The following FARP1 variants were observed in gnomAD, a reference collection of about 807,000 sequenced individuals.
The protein encoded by FARP1 is FERM, ARHGEF and pleckstrin domain-containing protein 1.
In FARP1, 52 loss-of-function variants were observed where a neutral mutation model predicts 128.8. That is an observed-to-expected ratio of 0.40 (90% confidence interval 0.32 to 0.51). The LOEUF (loss-of-function observed/expected upper bound fraction) is 0.51, where lower values mean the gene tolerates loss of function less well. FARP1 is among the 20% of genes least tolerant of loss of function. The pLI is 0.45. For synonymous variants in FARP1, 580 were observed against 551.8 expected, an observed-to-expected ratio of 1.05 and a Z score of -0.72; for missense variants, 1,333 against 1,367.9, an observed-to-expected ratio of 0.97 and a Z score of 0.40.
At chr13:98,440,943 C>G (rs1892498798) in intron 24 of FARP1, 107 bp downstream of exon 24, 1 of 1,125,516 alleles carries the variant, frequency 8.9e-7, no homozygotes, top group African/African-American at 1.6e-5. Flanking sequence ...TGTGGGTGGC[C>G]CCACCTACCC....
At chr13:98,208,334 C>T (rs1210494616) in intron 1 of FARP1, among the ~76,000 whole-genome samples, 7 of 150,104 alleles carry the variant, frequency 4.7e-5, no homozygotes, top group African/African-American at 1.2e-4. Flanking sequence ...AAAAAAAAGC[C>T]GGGCATGGTG....
chr13:98,290,111 G>C (rs929881226), intron 2 of FARP1, among the ~76,000 whole-genome samples: 3 of 151,346 alleles, frequency 2.0e-5, no homozygotes, highest in African/African-American at 7.3e-5. Flanking sequence ...GTTGGGAAGG[G>C]CAGTCCGTCA....
At chr13:98,235,341 G>T (rs1882351813) in intron 2 of FARP1, among the ~76,000 whole-genome samples, 1 of 152,152 alleles carries the variant, frequency 6.6e-6, no homozygotes, top group Non-Finnish European at 1.5e-5. Context: ...TCTCAAAAAA[G>T]CCACAAGTGA....
intron 11 of FARP1, among the ~76,000 whole-genome samples, chr13:98,392,558 A>G (rs1481305688): frequency 6.6e-6 from 1 of 151,756 alleles, no homozygotes. Context: ...TCATTCATAT[A>G]AGTACTCCCA....
intron 2 of FARP1, among the ~76,000 whole-genome samples, chr13:98,279,972 A>C (rs1884853426): frequency 6.6e-6 from 1 of 151,742 alleles, no homozygotes; most frequent in African/African-American, 2.4e-5. Context: ...AGGTGTTTTC[A>C]GCCTCTCCCT....
rs1890454984 is a variant in FARP1 at position 98,394,872 on chromosome 13, C to T, written c.1165-355C>T. Among the ~76,000 whole-genome samples the T allele has an allele frequency of 5.9e-5, 9 of 152,304 alleles. No individual in the cohort carries two copies. In the South Asian group the frequency reaches 1.9e-3, roughly 32 times the overall value. On this transcript the variant is annotated intron_variant, in intron 12 of 26. Transcript: ENST00000319562. ...CCCAAGAGGTCGAGGCCGCTGTGAG[C>T]TGTGGTTGCAGCACTGCACTCCAGC...
intron 2 of FARP1, among the ~76,000 whole-genome samples, chr13:98,271,610 G>C (rs920042341): frequency 6.6e-6 from 1 of 151,998 alleles, no homozygotes; most frequent in Non-Finnish European, 1.5e-5. Flanking sequence ...CCCTCCCTGG[G>C]TCCATGTGTT....
At position 98,442,114 on chromosome 13, in the gene FARP1, G is replaced by A. The variant is rs139607520; in HGVS notation, c.2796+1278G>A. ...TTTATGTGAATGCTCACGTTTCACC[G>A]CAGAATCTCTGCCCCCGCGCCCTCT... On this transcript the variant is annotated intron_variant, in intron 24 of 26. Transcript: ENST00000319562. 1.6e-4 allele frequency among the ~76,000 whole-genome samples: 25 copies of A among 152,324 alleles called. 1 individual carries two copies. In the East Asian group the frequency reaches 4.6e-3, roughly 28 times the overall value.
chr13:98,197,811 C>T (rs1566729782), intron 1 of FARP1, among the ~76,000 whole-genome samples: 1 of 151,550 alleles, frequency 6.6e-6, no homozygotes, highest in Non-Finnish European at 1.5e-5. Context: ...ATTTTTTGTA[C>T]TTTTTTAGTA....
At chr13:98,446,625 C>T (rs763286305) in intron 25 of FARP1, 41 bp from the exon 26 acceptor site, 18 of 1,606,284 alleles carry the variant, frequency 1.1e-5, no homozygotes, top group Non-Finnish European at 1.2e-5. Context: ...GCAGCAGAAG[C>T]TGACCCCGAA....
At position 98,412,140 on chromosome 13, in the gene FARP1, G is replaced by T. The variant is rs891669348; in HGVS notation, c.1826+106G>T. ...CAGGCAGGAACAAAGATGAAAGGCA[G>T]GAAACTGGCTTACAACAAGTCAGCC... On this transcript the variant is annotated intron_variant, in intron 16 of 26. Transcript: ENST00000319562. 12 of 1,086,836 alleles carry T rather than the reference G, an allele frequency of 1.1e-5. No individual in the cohort carries two copies. The African/African-American group carries it at 1.7e-4, about 16-fold the overall frequency. The allele number at this position is 1,086,836 out of a possible 1,614,324, so 67.3% of individuals were successfully genotyped here.
At chr13:98,300,052 G>A (rs573555270) in intron 2 of FARP1, among the ~76,000 whole-genome samples, 2 of 152,240 alleles carry the variant, frequency 1.3e-5, no homozygotes, top group South Asian at 4.2e-4. Context: ...AATGTTTAAA[G>A]AATTTATTAA....
chr13:98,354,397 T>C (rs1489726925), intron 3 of FARP1, among the ~76,000 whole-genome samples: 1 of 152,196 alleles, frequency 6.6e-6, no homozygotes, highest in East Asian at 1.9e-4. Context: ...AAAAGAGACT[T>C]AGAGGACATA....
rs1380463862 is a variant in FARP1 at position 98,217,712 on chromosome 13, T to C, written c.171+4299T>C. ...CGGCGGTTTGTTTTCTGCATTAGCT[T>C]CTCATGCCAGAACACCCTCTTATTT... On this transcript the variant is annotated intron_variant, in intron 2 of 26. Coordinates refer to ENST00000319562, the MANE Select transcript of FARP1 (RefSeq NM_005766.4). 2.0e-5 allele frequency among the ~76,000 whole-genome samples: 3 copies of C among 152,150 alleles called. No individual in the cohort carries two copies. In the East Asian group the frequency reaches 5.8e-4, roughly 29 times the overall value.
At chr13:98,171,531 C>G (rs1025256896) in intron 1 of FARP1, among the ~76,000 whole-genome samples, 3 of 152,116 alleles carry the variant, frequency 2.0e-5, no homozygotes, top group African/African-American at 7.2e-5. Context: ...CTATAGTCCT[C>G]TTAAAGTATA....
intron 2 of FARP1, among the ~76,000 whole-genome samples, chr13:98,284,177 T>C (rs570345752): frequency 8.5e-5 from 13 of 152,094 alleles, no homozygotes; most frequent in African/African-American, 3.1e-4. Flanking sequence ...TGAGACTTTT[T>C]GTGTGATTTT....
chr13:98,231,705 T>C (rs1438520129), intron 2 of FARP1, among the ~76,000 whole-genome samples: 1 of 152,112 alleles, frequency 6.6e-6, no homozygotes, highest in Non-Finnish European at 1.5e-5. Flanking sequence ...TCCGAAAGTG[T>C]TGGTGAGCCA....
At chr13:98,195,631 A>G (rs1392520340) in intron 1 of FARP1, among the ~76,000 whole-genome samples, 1 of 152,124 alleles carries the variant, frequency 6.6e-6, no homozygotes, top group African/African-American at 2.4e-5. Context: ...TACTCAGTGT[A>G]TTCTCTGATC....
intron 2 of FARP1, among the ~76,000 whole-genome samples, chr13:98,256,649 T>G (rs1319981046): frequency 6.6e-6 from 1 of 151,428 alleles, no homozygotes; most frequent in Non-Finnish European, 1.5e-5. Flanking sequence ...AACCTCCACC[T>G]CCCAGGTTCA....
Sources: gnomAD v4.1 joint callset for allele counts (sites outside exome capture counted in the v4.1 genomes callset) on GRCh38, gnomAD v4.1.1 for gene constraint, MANE v1.5 for transcripts, NCBI Gene and HGNC (gene_info 2026-07-23, HGNC 2026-07-21) for gene names.